FANCI: variants seen among roughly 807,000 people sequenced by gnomAD.
FANCI encodes Fanconi anemia group I protein.
FANCI carries 156 observed loss-of-function variants against 176.1 expected under a neutral mutation model. The ratio of observed to expected loss-of-function variants is 0.89; its 90% CI spans 0.78 to 1.01. The LOEUF is 1.01. Among genes scored for constraint, FANCI ranks in the 50% least tolerant of loss-of-function variants. The probability of loss-of-function intolerance (pLI) is 0.00; values close to 1 mark genes in which losing one functional copy is unlikely to be tolerated. For synonymous variants in FANCI, 613 were observed against 541.7 expected (o/e 1.13, Z -1.83); for missense variants, 1,678 against 1,534.1 (o/e 1.09, Z -1.57).
At position 89,263,522 on chromosome 15, in the gene FANCI, T is replaced by TTAAAC. The variant is rs1337979556; in HGVS notation, c.545+65_545+69dup. ...GCTTTGTGAACTTACTTGCTAGAAA[T>TTAAAC]TAAACTATAGCAAACGTAAACATCA... On this transcript the variant is annotated intron_variant, in intron 7 of 37. Coordinates refer to ENST00000310775, the MANE Select transcript of FANCI (RefSeq NM_001113378.2). 4.4e-6 allele frequency: 6 copies of TTAAAC among 1,364,444 alleles called. No individual in the cohort carries two copies. In the African/African-American group the frequency reaches 8.5e-5, roughly 19 times the overall value. The allele number at this position is 1,364,444 out of a possible 1,614,324, so 84.5% of individuals were successfully genotyped here.
At chr15:89,253,952 C>T (rs2052383871) in intron 2 of FANCI, among the ~76,000 whole-genome samples, 1 of 152,152 alleles carries the variant, frequency 6.6e-6, no homozygotes, top group Non-Finnish European at 1.5e-5. Flanking sequence ...CTTGGCCTCA[C>T]AAAGTGCTGG....
At chr15:89,265,055 GAAA>G (rs1055551651) in intron 9 of FANCI, among the ~76,000 whole-genome samples, 12 of 152,208 alleles carry the variant, frequency 7.9e-5, no homozygotes, top group Admixed American at 2.0e-4. Context: ...TTGGGTCAGG[GAAA>G]ACCTCTCTCA....
intron 34 of FANCI, 144 bp downstream of exon 34, chr15:89,307,816 C>G: frequency 6.5e-7 from 1 of 1,543,392 alleles, no homozygotes; most frequent in Non-Finnish European, 8.7e-7. Context: ...AGAGACCAAG[C>G]CAAGGCTTGA....
chr15:89,247,024 C>T (rs972552098), intron 1 of FANCI, among the ~76,000 whole-genome samples: 2 of 151,296 alleles, frequency 1.3e-5, no homozygotes, highest in African/African-American at 4.9e-5. Flanking sequence ...CCTCCTCAGC[C>T]TCCCAAAGTG....
intron 34 of FANCI, among the ~76,000 whole-genome samples, chr15:89,311,926 CA>C (rs1283255554): frequency 1.3e-5 from 2 of 152,164 alleles, no homozygotes; most frequent in Non-Finnish European, 2.9e-5. Context: ...TCTCCTGACT[CA>C]AGTCTTGATT....
chr15:89,269,249 A>G (rs1047698199), intron 10 of FANCI, among the ~76,000 whole-genome samples: 2 of 152,234 alleles, frequency 1.3e-5, no homozygotes, highest in African/African-American at 2.4e-5. Context: ...TAACACTTCA[A>G]TGCCTGAATA....
chr15:89,274,547 C>G (rs1184989821), intron 12 of FANCI, among the ~76,000 whole-genome samples: 1 of 141,548 alleles, frequency 7.1e-6, no homozygotes, highest in African/African-American at 2.6e-5. Flanking sequence ...GAATTAGTTG[C>G]TTTTGTTTAT....
At chr15:89,298,997 C>G (rs1197643756) in intron 24 of FANCI, among the ~76,000 whole-genome samples, 1 of 151,888 alleles carries the variant, frequency 6.6e-6, no homozygotes, top group Non-Finnish European at 1.5e-5. Flanking sequence ...ATGGTGAAAC[C>G]CCAGCTCTAC....
intron 2 of FANCI, among the ~76,000 whole-genome samples, chr15:89,250,912 CAAA>C (rs1453848005): frequency 1.3e-5 from 2 of 151,018 alleles, no homozygotes; most frequent in African/African-American, 4.9e-5. Flanking sequence ...ATTCCCAACT[CAAA>C]AACCTAGAAA....
At chr15:89,315,579 C>G (rs1240014268) in intron 37 of FANCI, among the ~76,000 whole-genome samples, 190 bp downstream of exon 37, 2 of 152,166 alleles carry the variant, frequency 1.3e-5, no homozygotes, top group Non-Finnish European at 2.9e-5. Flanking sequence ...TATGAAGTTG[C>G]CCCGACTTGT....
At chr15:89,246,019 G>A (rs2051951849) in intron 1 of FANCI, among the ~76,000 whole-genome samples, 1 of 152,192 alleles carries the variant, frequency 6.6e-6, no homozygotes, top group African/African-American at 2.4e-5. Flanking sequence ...ACTTGGTAAT[G>A]GATGTGGTGA....
At chr15:89,298,652 A>T (rs1185758315) in intron 24 of FANCI, among the ~76,000 whole-genome samples, 2 of 152,218 alleles carry the variant, frequency 1.3e-5, no homozygotes, top group Non-Finnish European at 2.9e-5. Context: ...AATAGAAAAC[A>T]TTAAAAGAAA....
Position 89,283,125 on chromosome 15 carries a change from T to G in FANCI, c.1584-11T>G, listed in dbSNP as rs763129006. 3 of 1,614,096 alleles carry G rather than the reference T, an allele frequency of 1.9e-6. No homozygotes were observed. In the South Asian group the frequency reaches 3.3e-5, roughly 18 times the overall value. On this transcript the variant is annotated splice_polypyrimidine_tract_variant and intron_variant, in intron 16 of 37. Transcript: ENST00000310775. The stretch of plus-strand genomic sequence containing the variant: ...TAGTACTGTTTGTTAACTTCTCTAT[T>G]TCTGAGCTAGCCAGCTTGATGCCCG...
chr15:89,267,332 A>AATT (rs1491474517), intron 9 of FANCI, among the ~76,000 whole-genome samples: 2 of 94,812 alleles, frequency 2.1e-5, no homozygotes, highest in Admixed American at 1.1e-4. Context: ...AAAAAAAAAA[A>AATT]TTTTTTTTTT....
chr15:89,284,524 T>A (rs1450973097), intron 17 of FANCI, among the ~76,000 whole-genome samples: 2 of 152,202 alleles, frequency 1.3e-5, no homozygotes. Context: ...TTGCCCAAGG[T>A]TATATAACCA....
chr15:89,248,667 T>C (rs529448021), intron 2 of FANCI, among the ~76,000 whole-genome samples: 2 of 152,316 alleles, frequency 1.3e-5, no homozygotes, highest in Admixed American at 6.5e-5. Context: ...GTTTCATGCC[T>C]CAAATTGAAG....
Position 89,281,043 on chromosome 15 carries a change from T to C in FANCI, c.1382-127T>C. On this transcript the variant is annotated intron_variant, in intron 14 of 37. Coordinates refer to ENST00000310775, the MANE Select transcript of FANCI (RefSeq NM_001113378.2). Reference sequence around the variant, plus strand: ...TATATATAGAATCAGTAGAAATTTGTATTGCAGTATACTTGACTTATTTGA... The same window carrying C: ...TATATATAGAATCAGTAGAAATTTGCATTGCAGTATACTTGACTTATTTGA... The C allele has an allele frequency of 1.4e-5, 12 of 885,974 alleles. No individual in the cohort carries two copies. The South Asian group carries it at 1.7e-4, about 12-fold the overall frequency. 54.9% of individuals were successfully genotyped at this position (885,974 alleles called of 1,614,324 possible).
At chr15:89,254,880 G>A (rs2052427324) in intron 2 of FANCI, among the ~76,000 whole-genome samples, 1 of 152,090 alleles carries the variant, frequency 6.6e-6, no homozygotes, top group African/African-American at 2.4e-5. Context: ...TGCAGGAGTT[G>A]GAAAATCATT....
intron 31 of FANCI, 120 bp downstream of exon 31, chr15:89,305,818 T>A: frequency 8.4e-7 from 1 of 1,187,520 alleles, no homozygotes; most frequent in Non-Finnish European, 1.2e-6. Flanking sequence ...TAAGCTAGAT[T>A]TTTTCCTATG....
Sources: gnomAD v4.1 joint callset for allele counts (sites outside exome capture counted in the v4.1 genomes callset) on GRCh38, gnomAD v4.1.1 for gene constraint, MANE v1.5 for transcripts, NCBI Gene and HGNC (gene_info 2026-07-23, HGNC 2026-07-21) for gene names.